Variants in KDM1B observed in about 807,000 individuals in gnomAD.
KDM1B encodes lysine-specific histone demethylase 2.
In KDM1B, 63 loss-of-function variants were observed where a neutral mutation model predicts 107.4. The ratio of observed to expected loss-of-function variants is 0.59; its 90% CI spans 0.48 to 0.72. KDM1B has a LOEUF of 0.72. KDM1B is among the 30% of genes least tolerant of loss of function. The pLI is 0.00. For missense variants in KDM1B, 749 were observed against 1,020.8 expected (o/e 0.73, Z 3.63); for synonymous variants, 363 against 363.9 (o/e 1.00, Z 0.03).
At position 18,191,005 on chromosome 6, in the gene KDM1B, C is replaced by T. The variant is rs1176490478; in HGVS notation, c.785-192C>T. Reference sequence around the variant, plus strand: ...CTATGGAAATTAAAGTTGAGAATAGCATGAAGAAAGAATGAGAAAAATACT... The same window carrying T: ...CTATGGAAATTAAAGTTGAGAATAGTATGAAGAAAGAATGAGAAAAATACT... On this transcript the variant is annotated intron_variant, in intron 9 of 21. Transcript: ENST00000650836. The surrounding 1 kb of genome is among the most constrained non-coding windows in gnomAD (Gnocchi z 5.1). Among the ~76,000 whole-genome samples the T allele has an allele frequency of 6.6e-6, 1 of 151,960 alleles. No individual in the cohort carries two copies.
rs1784524153 is a variant in KDM1B, at chr6:18,155,485, C to G, written c.-144C>G. 1 of 155,240 alleles carries G rather than the reference C, an allele frequency of 6.4e-6. No individual in the cohort carries two copies. Among genetic ancestry groups the G allele is most frequent in the Non-Finnish European group, 1.4e-5 (1 of 70,208 alleles). The allele number at this position is 155,240 out of a possible 1,614,324, so 9.6% of individuals were successfully genotyped here. ...GAAGAGGCTGGGGCTCGCGGCGCGG[C>G]TGCAGCCGTCCTGTGCGCGCGGCGC... On this transcript the variant is annotated 5_prime_UTR_variant, in exon 1 of 22. Coordinates refer to ENST00000650836, the MANE Select transcript of KDM1B (RefSeq NM_001364614.2). This position sits in a 1 kb window ranked among gnomAD's most constrained non-coding sequence, Gnocchi z 6.2.
chr6:18,212,577 C>T lies in KDM1B; in HGVS notation c.1956C>T (p.Asn652=), dbSNP rs1392737277. ...CAGAGAAGAAGATGAAGGCTATCAA[C>T]AGCTTAGGCGCAGGCATCATTGAAA... is the stretch of plus-strand genomic sequence containing the variant. ...PLSEKKMKAI[N]SLGAGIIEKI... The change falls in exon 18 of 22, where the codon AAC becomes AAT. Residue 652 remains asparagine, a synonymous_variant. Coordinates refer to ENST00000650836, the MANE Select transcript of KDM1B (RefSeq NM_001364614.2). This position sits in a 1 kb window ranked among gnomAD's most constrained non-coding sequence, Gnocchi z 5.2. 1 of 1,613,674 alleles carries T rather than the reference C, an allele frequency of 6.2e-7. No homozygotes were observed. Among genetic ancestry groups the T allele is most frequent in the East Asian group, 2.2e-5 (1 of 44,886 alleles).
chr6:18,161,723 C>T (rs1784983133), intron 4 of KDM1B, among the ~76,000 whole-genome samples: 1 of 152,088 alleles, frequency 6.6e-6, no homozygotes, highest in Non-Finnish European at 1.5e-5. Context: ...TCTACCTCTC[C>T]AAGGGTTGAG....
At chr6:18,178,407 T>C (rs1582117804) in intron 7 of KDM1B, among the ~76,000 whole-genome samples, 1 of 149,256 alleles carries the variant, frequency 6.7e-6, no homozygotes, top group African/African-American at 2.5e-5. Context: ...ATTTATTTAT[T>C]TTTTGAAACA....
chr6:18,166,239 C>A (rs368131100), intron 5 of KDM1B, 28 bp from the exon 6 acceptor site: 2 of 1,038,342 alleles, frequency 1.9e-6, no homozygotes, highest in South Asian at 1.3e-5. Flanking sequence ...ATATATTAAT[C>A]GATATATTAA....
At chr6:18,171,071 T>C (rs973626494) in intron 6 of KDM1B, among the ~76,000 whole-genome samples, 5 of 151,886 alleles carry the variant, frequency 3.3e-5, no homozygotes, top group Non-Finnish European at 7.4e-5. Flanking sequence ...CCGCCCGCCT[T>C]GGCCTCCCAA....
chr6:18,177,103 T>C (rs1786068522), intron 7 of KDM1B, among the ~76,000 whole-genome samples: 3 of 152,180 alleles, frequency 2.0e-5, no homozygotes, highest in Admixed American at 2.0e-4. Flanking sequence ...TCCTGGACTT[T>C]TTTTGTTGGT....
chr6:18,212,626 T>C lies in KDM1B; in HGVS notation c.1983+22T>C. The C allele has an allele frequency of 6.9e-7, 1 of 1,448,316 alleles. No homozygotes were observed. Among genetic ancestry groups the C allele is most frequent in the East Asian group, 2.3e-5 (1 of 44,094 alleles). The allele number at this position is 1,448,316 out of a possible 1,614,324, so 89.7% of individuals were successfully genotyped here. A position where few individuals can be genotyped will look rare whatever the true frequency, so the allele number is the denominator to read the frequency against. ...AAAGGTGACTGAAATGACCTCATCC[T>C]CAGCAAGAAAGAGATTAATGTCAGA... On this transcript the variant is annotated intron_variant, in intron 18 of 21. Coordinates refer to ENST00000650836, the MANE Select transcript of KDM1B (RefSeq NM_001364614.2). The surrounding 1 kb of genome is among the most constrained non-coding windows in gnomAD (Gnocchi z 5.2).
intron 21 of KDM1B, among the ~76,000 whole-genome samples, chr6:18,218,400 G>C (rs1789414450): frequency 6.6e-6 from 1 of 152,108 alleles, no homozygotes; most frequent in Non-Finnish European, 1.5e-5. Flanking sequence ...TAGGATTACA[G>C]GTGTGAGCCA....
chr6:18,208,259 T>C (rs1269644700), intron 17 of KDM1B, 53 bp downstream of exon 17: 1 of 1,315,806 alleles, frequency 7.6e-7, no homozygotes, highest in East Asian at 2.3e-5. Flanking sequence ...GCCAGGGGCT[T>C]GGAGGGAAGG....
intron 17 of KDM1B, among the ~76,000 whole-genome samples, chr6:18,208,625 A>ATATATATATATATATATATT (rs1788579809): frequency 2.8e-5 from 1 of 36,262 alleles, no homozygotes; most frequent in Non-Finnish European, 4.9e-5. Context: ...ATATATATAT[A>ATATATATATATATATATATT]TATTTTTTTT....
chr6:18,220,417 C>T (rs1287749782), intron 21 of KDM1B, among the ~76,000 whole-genome samples: 24 of 152,156 alleles, frequency 1.6e-4, no homozygotes, highest in Non-Finnish European at 1.6e-4. Flanking sequence ...GGCATGGTGG[C>T]GGGCGCCTGT....
intron 9 of KDM1B, among the ~76,000 whole-genome samples, chr6:18,188,640 G>A (rs1173701432): frequency 6.6e-6 from 1 of 152,064 alleles, no homozygotes; most frequent in African/African-American, 2.4e-5. Context: ...TTGAGATGGA[G>A]TCTCACTCTG....
intron 5 of KDM1B, among the ~76,000 whole-genome samples, chr6:18,163,570 C>T (rs1000303922): frequency 4.6e-5 from 7 of 151,886 alleles, no homozygotes; most frequent in African/African-American, 1.7e-4. Context: ...TTTTAAATGC[C>T]ATAAATTTCT....
chr6:18,184,977 G>A (rs1292218682), intron 7 of KDM1B, among the ~76,000 whole-genome samples: 1 of 151,800 alleles, frequency 6.6e-6, no homozygotes, highest in Non-Finnish European at 1.5e-5. Context: ...CGATCCACCT[G>A]CCTTGACCTC....
rs1362355314 is a variant in KDM1B at position 18,201,437 on chromosome 6, AT to A, written c.1360-42del. 2.2e-6 allele frequency: 3 copies of A among 1,394,428 alleles called. No homozygotes were observed. The highest frequency in any genetic ancestry group is 2.9e-6 in the Non-Finnish European group (3 of 1,025,884). 86.4% of individuals were successfully genotyped at this position (1,394,428 alleles called of 1,614,324 possible). On this transcript the variant is annotated intron_variant, in intron 13 of 21. Coordinates refer to ENST00000650836, the MANE Select transcript of KDM1B (RefSeq NM_001364614.2). This position sits in a 1 kb window ranked among gnomAD's most constrained non-coding sequence, Gnocchi z 4.3. ...GATTTTCAGCTTAGAACCTGTAAAT[AT>A]TTTTTTCCAGGGAAAATTTTCACCT... is the stretch of plus-strand genomic sequence containing the variant.
chr6:18,197,451 A>G lies in KDM1B; in HGVS notation c.1147-136A>G. On this transcript the variant is annotated intron_variant, in intron 11 of 21. Coordinates refer to ENST00000650836, the MANE Select transcript of KDM1B (RefSeq NM_001364614.2). The surrounding 1 kb of genome is among the most constrained non-coding windows in gnomAD (Gnocchi z 4.5). ...GGAGTAATAAGACAAGTGCCACCACATTCTTTAGGAAAATAACTTTCTAAG... is the reference window on the plus strand; with the variant it reads ...GGAGTAATAAGACAAGTGCCACCACGTTCTTTAGGAAAATAACTTTCTAAG... 1 of 815,042 alleles carries G rather than the reference A, an allele frequency of 1.2e-6. No homozygotes were observed. The highest frequency in any genetic ancestry group is 2.0e-6 in the Non-Finnish European group (1 of 498,144). 50.5% of individuals were successfully genotyped at this position (815,042 alleles called of 1,614,324 possible).
intron 10 of KDM1B, among the ~76,000 whole-genome samples, chr6:18,192,443 C>T (rs948354303): frequency 6.6e-6 from 1 of 152,184 alleles, no homozygotes; most frequent in African/African-American, 2.4e-5. Flanking sequence ...AATGAAATGA[C>T]ATAACCTGAT....
At chr6:18,187,476 C>CG (rs1220228010) in intron 8 of KDM1B, among the ~76,000 whole-genome samples, 1 of 151,988 alleles carries the variant, frequency 6.6e-6, no homozygotes, top group Non-Finnish European at 1.5e-5. Context: ...CCTAGGCTTG[C>CG]GATCTAGTAA....
Sources: allele counts gnomAD v4.1 joint callset (sites outside exome capture counted in the v4.1 genomes callset), GRCh38; gene constraint gnomAD v4.1.1; non-coding constraint Gnocchi (gnomAD v3.1); transcripts MANE v1.5; gene names NCBI Gene and HGNC (gene_info 2026-07-23, HGNC 2026-07-21).